EMC3: variants seen among roughly 807,000 people sequenced by gnomAD.
EMC3 encodes the protein ER membrane protein complex subunit 3, also known as 30 kDa protein.
A neutral mutation model predicts 36.6 loss-of-function variants in EMC3; 13 were observed. The observed-to-expected ratio is 0.35, with a 90% CI of 0.23 to 0.56. EMC3 has a LOEUF of 0.56. Ranked by LOEUF, EMC3 falls within the 20% of genes least tolerant of loss-of-function variation. The pLI is 0.84. For synonymous variants in EMC3, 120 were observed against 111.9 expected, an observed-to-expected ratio of 1.07 and a Z score of -0.46; for missense variants, 220 against 324.5, an observed-to-expected ratio of 0.68 and a Z score of 2.47.
At position 9,986,543 on chromosome 3, in the gene EMC3, C is replaced by T. The variant is rs1258460404; in HGVS notation, c.119G>A (p.Ser40Asn). Residue 40 changes from serine to asparagine, a missense_variant, in exon 1 of 8, where the codon AGC becomes AAC. By Grantham distance (46) the Ser-to-Asn change is conservative. Coordinates refer to ENST00000245046, the MANE Select transcript of EMC3 (RefSeq NM_001394674.1). ...TTGTTCCTGGGTGAGCTTCTTGTCG[C>T]TCTGCAGCAGGATGGACACGTAGTG... Reference protein sequence around the residue: ...IRHYVSILLQSDKKLTQEQVS... With the variant: ...IRHYVSILLQNDKKLTQEQVS... 1 of 1,614,188 alleles carries T rather than the reference C, an allele frequency of 6.2e-7. No homozygotes were observed. The highest frequency in any genetic ancestry group is 2.2e-5 in the East Asian group (1 of 44,890).
upstream of EMC3, chr3:9,988,341 G>A (rs542881776): frequency 3.7e-5 from 33 of 888,206 alleles, no homozygotes; most frequent in Middle Eastern, 4.4e-4. Context: ...GTAGGTAGAA[G>A]AGTAATTTTT....
rs116617360 is a variant in EMC3, at chr3:9,964,500, C to T, written c.658-303G>A. Among the ~76,000 whole-genome samples the T allele has an allele frequency of 2.3e-3, 350 of 152,348 alleles. 1 individual carries two copies. Among genetic ancestry groups the T allele is most frequent in the African/African-American group, 8.3e-3 (346 of 41,576 alleles). On this transcript the variant is annotated intron_variant, in intron 7 of 7. Transcript: ENST00000245046. ...TGTGGTCTGACTGCAAAGTCCCCAG[C>T]GCTTAACCCGTCTATCAGCTCACAC...
chr3:9,981,922 G>A (rs547245884), intron 1 of EMC3, among the ~76,000 whole-genome samples: 34 of 151,538 alleles, frequency 2.2e-4, no homozygotes, highest in African/African-American at 8.0e-4. Flanking sequence ...GTATTTTACA[G>A]CTTTGGTTTA....
intron 1 of EMC3, chr3:10,010,022 T>G (rs1242817535): frequency 6.5e-6 from 1 of 152,718 alleles, no homozygotes; most frequent in Non-Finnish European, 1.5e-5. Context: ...GTCCCACCCC[T>G]GCACCCATCA....
chr3:9,981,829 T>C (rs1291112481), intron 1 of EMC3: 8 of 393,760 alleles, frequency 2.0e-5, no homozygotes, highest in Non-Finnish European at 3.0e-5. Context: ...CTTTCCAAAA[T>C]GTCAGTAGTA....
At position 9,973,687 on chromosome 3, in the gene EMC3, G is replaced by T. The variant is rs776067507; in HGVS notation, c.435C>A (p.Thr145=). 2 of 1,614,052 alleles carry T rather than the reference G, an allele frequency of 1.2e-6. No homozygotes were observed. Among genetic ancestry groups the T allele is most frequent in the South Asian group, 1.1e-5 (1 of 91,070 alleles). The change falls in exon 5 of 8, where the codon ACC becomes ACA. Residue 145 remains threonine (T), a synonymous_variant. Transcript: ENST00000245046. The part of the protein sequence containing the change: ...FVTTKVPFPL[T]LRFKPMLQQG... ...GCTGTAACATAGGCTTAAAACGGAG[G>T]GTCAGTGGAAATGGGACCTTGGCTG...
intron 1 of EMC3, among the ~76,000 whole-genome samples, chr3:9,997,536 C>T (rs773305439): frequency 2.0e-5 from 3 of 152,230 alleles, no homozygotes; most frequent in East Asian, 1.9e-4. Context: ...ATCAGCTTAC[C>T]GCAACCTCTG....
chr3:10,002,742 C>G, intron 1 of EMC3: 1 of 438,172 alleles, frequency 2.3e-6, no homozygotes, highest in Non-Finnish European at 4.6e-6. Context: ...GAGGAGGAGA[C>G]CTGCACAACT....
chr3:9,986,192 C>A (rs369885617), intron 1 of EMC3, among the ~76,000 whole-genome samples: 1 of 152,276 alleles, frequency 6.6e-6, no homozygotes, highest in African/African-American at 2.4e-5. Flanking sequence ...TGGAATAGTT[C>A]ATAGGTAAAC....
Position 9,968,709 on chromosome 3 carries a change from A to C in EMC3, c.657+1010T>G, listed in dbSNP as rs538910643. The C allele has an allele frequency of 5.9e-5, 9 of 152,050 alleles. No homozygotes were observed. The East Asian group carries it at 9.7e-4, about 16-fold the overall frequency. The allele number at this position is 152,050 out of a possible 1,614,324, so 9.4% of individuals were successfully genotyped here. On this transcript the variant is annotated intron_variant, in intron 7 of 7. Coordinates refer to ENST00000245046, the MANE Select transcript of EMC3 (RefSeq NM_001394674.1). ...ATCCAGGCTGGAGTGCAGTGGCACG[A>C]TCTTGGCTCACTACAGCCTCCGCCT... is the stretch of plus-strand genomic sequence containing the variant.
Position 9,963,109 on chromosome 3 carries a change from T to G in EMC3, c.*960A>C, listed in dbSNP as rs1474339392. The G allele has an allele frequency of 6.6e-6, 1 of 152,192 alleles. No homozygotes were observed. Among genetic ancestry groups the G allele is most frequent in the Non-Finnish European group, 1.5e-5 (1 of 68,042 alleles). The allele number at this position is 152,192 out of a possible 1,614,324, so 9.4% of individuals were successfully genotyped here. ...GTCACTGATTTTCACTGGGCAGAATTAAGTGATATAGAAGGTTTGCTGAGT... is the reference window on the plus strand; with the variant it reads ...GTCACTGATTTTCACTGGGCAGAATGAAGTGATATAGAAGGTTTGCTGAGT... On this transcript the variant is annotated 3_prime_UTR_variant, in exon 8 of 8. Coordinates refer to ENST00000245046, the MANE Select transcript of EMC3 (RefSeq NM_001394674.1).
At chr3:9,984,303 A>G (rs2085944787) in intron 1 of EMC3, among the ~76,000 whole-genome samples, 2 of 151,580 alleles carry the variant, frequency 1.3e-5, no homozygotes, top group African/African-American at 2.4e-5. Flanking sequence ...GATGGTCTCA[A>G]TCTCTTGACC....
Position 9,974,375 on chromosome 3 carries a change from G to A in EMC3, c.412+9C>T, listed in dbSNP as rs2085822085. 15 of 1,596,030 alleles carry A rather than the reference G, an allele frequency of 9.4e-6. No individual in the cohort carries two copies. In the East Asian group the frequency reaches 3.3e-4, roughly 36 times the overall value. On this transcript the variant is annotated intron_variant, in intron 4 of 7. Transcript: ENST00000245046. ...GGGTAACATGAAGTCGGCTGGGTCT[G>A]TAACTTACTTGTGACAAAGCCTGAG...
chr3:10,003,177 C>T (rs2086225526), intron 1 of EMC3: 1 of 456,646 alleles, frequency 2.2e-6, no homozygotes, highest in African/African-American at 2.0e-5. Flanking sequence ...GCACCAGTAG[C>T]AGTGGCAGAG....
upstream of EMC3, among the ~76,000 whole-genome samples, chr3:9,987,548 G>A (rs931454181): frequency 6.6e-6 from 1 of 152,180 alleles, no homozygotes; most frequent in Non-Finnish European, 1.5e-5. Context: ...AAATGGTATC[G>A]CACGTGTTAA....
At chr3:9,977,592 T>C in intron 1 of EMC3, 146 bp from the exon 2 acceptor site, 1 of 611,954 alleles carries the variant, frequency 1.6e-6, no homozygotes, top group Non-Finnish European at 2.8e-6. Flanking sequence ...TACAAGTATC[T>C]TTAAAACCAA....
intron 7 of EMC3, chr3:9,969,252 G>A: frequency 4.3e-6 from 4 of 931,620 alleles, no homozygotes; most frequent in Non-Finnish European, 5.4e-6. Context: ...GAGCCCCTGT[G>A]CCTGGCCGGA....
At chr3:10,003,500 G>A in intron 1 of EMC3, 2 of 337,118 alleles carry the variant, frequency 5.9e-6, no homozygotes, top group South Asian at 4.7e-5. Context: ...CCATGCAGCA[G>A]GGATCAGCCT....
Position 9,996,520 on chromosome 3 carries a change from T to G in EMC3, c.-241-9618A>C, listed in dbSNP as rs144904407. Among the ~76,000 whole-genome samples the G allele has an allele frequency of 1.1e-3, 161 of 152,276 alleles. No homozygotes were observed. In the East Asian group the frequency reaches 0.018, roughly 17 times the overall value. On this transcript the variant is annotated intron_variant, in intron 1 of 8. Coordinates refer to the EMC3 transcript ENST00000470827. Reference sequence around the variant, plus strand: ...AATCATAACTTGTAACTCATTTGTATCTTTAGTGCTACCTTATGGCAGTAA... The same window carrying G: ...AATCATAACTTGTAACTCATTTGTAGCTTTAGTGCTACCTTATGGCAGTAA...
Sources: allele counts gnomAD v4.1 joint callset (sites outside exome capture counted in the v4.1 genomes callset), GRCh38; gene constraint gnomAD v4.1.1; transcripts MANE v1.5; gene names NCBI Gene and HGNC (gene_info 2026-07-23, HGNC 2026-07-21).